GLIS1: variants seen among roughly 807,000 people sequenced by gnomAD.
The protein encoded by GLIS1 is zinc finger protein GLIS1.
Under a neutral mutation model 63.8 loss-of-function variants are expected in GLIS1, and 24 were observed. The observed-to-expected ratio is 0.38, with a 90% confidence interval of 0.27 to 0.53. The LOEUF is 0.53. Among genes scored for constraint, GLIS1 ranks in the 20% least tolerant of loss-of-function variants. The pLI, the probability that GLIS1 is intolerant of heterozygous loss-of-function variation, is 0.85. For missense variants in GLIS1, 1,036 were observed against 1,074.1 expected (o/e 0.96, Z 0.50); for synonymous variants, 450 against 482.5 (o/e 0.93, Z 0.88).
At chr1:53,603,014 G>T (rs778379728) in intron 2 of GLIS1, among the ~76,000 whole-genome samples, 1 of 152,230 alleles carries the variant, frequency 6.6e-6, no homozygotes, top group African/African-American at 2.4e-5. Context: ...GTTTGCCAAG[G>T]TCACACAGGG....
intron 2 of GLIS1, among the ~76,000 whole-genome samples, chr1:53,704,001 T>A (rs945705360): frequency 6.6e-6 from 1 of 152,254 alleles, no homozygotes; most frequent in Non-Finnish European, 1.5e-5. Context: ...TAGATTTTCC[T>A]ATTTTAATCA....
chr1:53,736,186 C>T (rs1051727676), intron 2 of GLIS1, among the ~76,000 whole-genome samples: 5 of 152,208 alleles, frequency 3.3e-5, no homozygotes, highest in Non-Finnish European at 2.9e-5. Context: ...CCTCCCATCC[C>T]TTTATTCTCC....
intron 2 of GLIS1, among the ~76,000 whole-genome samples, chr1:53,699,028 T>G (rs1008956837): frequency 6.6e-6 from 1 of 151,014 alleles, no homozygotes; most frequent in Non-Finnish European, 1.5e-5. Flanking sequence ...GCCATGATTG[T>G]TTTTTGTTTT....
intron 10 of GLIS1, among the ~76,000 whole-genome samples, chr1:53,508,017 C>T (rs1429354186): frequency 3.9e-5 from 6 of 152,212 alleles, no homozygotes; most frequent in South Asian, 4.1e-4. Flanking sequence ...CGTTTACCCA[C>T]GGGCCTGTGG....
At chr1:53,588,856 C>T (rs984195771) in intron 4 of GLIS1, among the ~76,000 whole-genome samples, 1 of 152,180 alleles carries the variant, frequency 6.6e-6, no homozygotes, top group African/African-American at 2.4e-5. Flanking sequence ...ATTTTGCCTG[C>T]GAACTTCAGA....
At chr1:53,555,476 G>C (rs1166109540) in intron 4 of GLIS1, among the ~76,000 whole-genome samples, 1 of 152,170 alleles carries the variant, frequency 6.6e-6, no homozygotes, top group African/African-American at 2.4e-5. Context: ...GTTACGGTGA[G>C]CCAAGATCGC....
At chr1:53,725,935 C>T (rs550514793) in intron 2 of GLIS1, among the ~76,000 whole-genome samples, 7 of 152,328 alleles carry the variant, frequency 4.6e-5, no homozygotes, top group Admixed American at 4.6e-4. Flanking sequence ...GCAGATTCAT[C>T]CTGCCAGGGT....
At chr1:53,577,260 C>T (rs116122130) in intron 4 of GLIS1, among the ~76,000 whole-genome samples, 1 of 152,084 alleles carries the variant, frequency 6.6e-6, no homozygotes, top group South Asian at 2.1e-4. Flanking sequence ...TCAGCATGCC[C>T]CAGATCAAGT....
Position 53,588,318 on chromosome 1 carries a change from C to T in GLIS1, c.1320+5790G>A, listed in dbSNP as rs549503094. Among the ~76,000 whole-genome samples the T allele has an allele frequency of 1.8e-4, 27 of 152,318 alleles. No individual in the cohort carries two copies. The South Asian group carries it at 5.6e-3, about 32-fold the overall frequency. ...ATCTCTGCACCCCCAGCTCCTAGCA[C>T]GAGGCCTGGCACACCAAAGCAAGGC... On this transcript the variant is annotated intron_variant, in intron 4 of 10. Coordinates refer to ENST00000628545, the MANE Select transcript of GLIS1 (RefSeq NM_001367484.1).
At position 53,595,419 on chromosome 1, in the gene GLIS1, C is replaced by T. The variant is rs189582877; in HGVS notation, c.438-429G>A. ...CCTGTAGTCCCAGCTACTCGGGAGG[C>T]TGAGGTAGGAGGATTGCTTGAGCCC... On this transcript the variant is annotated intron_variant, in intron 3 of 10. Transcript: ENST00000628545. Among the ~76,000 whole-genome samples, 935 of 152,222 alleles carry T rather than the reference C, an allele frequency of 6.1e-3. 1 individual carries two copies. The highest frequency in any genetic ancestry group is 0.024 in the Middle Eastern group (7 of 294).
chr1:53,544,352 G>T (rs534542216), intron 4 of GLIS1, among the ~76,000 whole-genome samples: 16 of 152,304 alleles, frequency 1.1e-4, no homozygotes, highest in African/African-American at 3.4e-4. Flanking sequence ...TGGGAGCCAG[G>T]GTGCAGTCCG....
At chr1:53,618,304 T>C (rs1013793231) in intron 2 of GLIS1, among the ~76,000 whole-genome samples, 1 of 152,216 alleles carries the variant, frequency 6.6e-6, no homozygotes. Context: ...GGGCTAGGCC[T>C]TGGATGCCAC....
intron 10 of GLIS1, among the ~76,000 whole-genome samples, chr1:53,507,019 G>A (rs761473957): frequency 2.0e-5 from 3 of 152,132 alleles, no homozygotes; most frequent in Non-Finnish European, 4.4e-5. Flanking sequence ...GGGGAGACAG[G>A]CACGGGGTTG....
intron 4 of GLIS1, among the ~76,000 whole-genome samples, chr1:53,548,635 G>A (rs181319637): frequency 4.6e-4 from 70 of 152,344 alleles, no homozygotes; most frequent in African/African-American, 1.7e-3. Flanking sequence ...AAGGGTTATA[G>A]ACAGCCTCTG....
At chr1:53,586,581 A>G (rs1645137888) in intron 4 of GLIS1, among the ~76,000 whole-genome samples, 1 of 152,206 alleles carries the variant, frequency 6.6e-6, no homozygotes, top group South Asian at 2.1e-4. Flanking sequence ...TTTCTCATCA[A>G]AGCCTCACAA....
intron 4 of GLIS1, among the ~76,000 whole-genome samples, chr1:53,586,217 T>A (rs938154487): frequency 1.3e-5 from 2 of 152,246 alleles, no homozygotes; most frequent in South Asian, 2.1e-4. Context: ...AAGAAAAGCA[T>A]CCCAATGTAA....
At chr1:53,701,278 C>T (rs182262235) in intron 2 of GLIS1, among the ~76,000 whole-genome samples, 1 of 152,318 alleles carries the variant, frequency 6.6e-6, no homozygotes, top group Non-Finnish European at 1.5e-5. Context: ...ACACCCTTGC[C>T]AACTCTTGTT....
Position 53,636,911 on chromosome 1 carries a change from C to T in GLIS1, c.260-36633G>A, listed in dbSNP as rs574048472. 3.3e-5 allele frequency among the ~76,000 whole-genome samples: 5 copies of T among 152,348 alleles called. No individual in the cohort carries two copies. The South Asian group carries it at 1.0e-3, about 32-fold the overall frequency. On this transcript the variant is annotated intron_variant, in intron 2 of 10. Transcript: ENST00000628545. ...ACTCTGTGAGCTGCAGTGTCCCTAC[C>T]TCAGCTCCTTCTGTTCGTGGGCAGG...
At chr1:53,572,633 C>G (rs1403644466) in intron 4 of GLIS1, among the ~76,000 whole-genome samples, 2 of 152,264 alleles carry the variant, frequency 1.3e-5, no homozygotes, top group African/African-American at 4.8e-5. Flanking sequence ...TCAGCAGGCA[C>G]TGCAGCAGCC....
Sources: allele counts gnomAD v4.1 joint callset (sites outside exome capture counted in the v4.1 genomes callset), GRCh38; gene constraint gnomAD v4.1.1; transcripts MANE v1.5; gene names NCBI Gene and HGNC (gene_info 2026-07-23, HGNC 2026-07-21).